ALK: variants seen among roughly 807,000 people sequenced by gnomAD.
The protein encoded by ALK is ALK receptor tyrosine kinase, also known as ALK tyrosine kinase receptor.
A neutral mutation model predicts 163.1 loss-of-function variants in ALK; 74 were observed. The observed-to-expected ratio is 0.45, with a 90% CI of 0.38 to 0.55. The LOEUF is 0.55. ALK is among the 20% of genes least tolerant of loss of function. The pLI, the probability that ALK is intolerant of heterozygous loss-of-function variation, is 0.00. For missense variants in ALK, 2,063 were observed against 2,105.3 expected, an observed-to-expected ratio of 0.98 and a Z score of 0.39; for synonymous variants, 960 against 843.2, an observed-to-expected ratio of 1.14 and a Z score of -2.40.
intron 9 of ALK, among the ~76,000 whole-genome samples, chr2:29,293,572 GT>G (rs1205944644): frequency 6.6e-6 from 1 of 152,130 alleles, no homozygotes; most frequent in Non-Finnish European, 1.5e-5. Context: ...GAGATGGAAA[GT>G]AAAGGCAGAA....
intron 4 of ALK, among the ~76,000 whole-genome samples, chr2:29,477,223 A>T (rs890233360): frequency 1.4e-4 from 21 of 152,142 alleles, no homozygotes; most frequent in African/African-American, 4.6e-4. Context: ...GGACATCATC[A>T]TCACTAACAT....
chr2:29,341,564 G>A (rs77556421), intron 5 of ALK, among the ~76,000 whole-genome samples: 11,731 of 152,258 alleles, frequency 0.077, 549 homozygotes, highest in Non-Finnish European at 0.11. Flanking sequence ...TGAGTCTGCA[G>A]TGAGCTATGA....
intron 1 of ALK, among the ~76,000 whole-genome samples, chr2:29,857,058 G>T (rs192833979): frequency 6.6e-6 from 1 of 152,340 alleles, no homozygotes; most frequent in Admixed American, 6.5e-5. Flanking sequence ...ACATCCGGAG[G>T]AGGCGAATGT....
chr2:29,745,012 G>A (rs2631953), intron 1 of ALK, among the ~76,000 whole-genome samples: 95,225 of 152,054 alleles, frequency 0.63, 34,398 homozygotes, highest in East Asian at 0.81. Flanking sequence ...AAGCCACCAC[G>A]TATGCCAAAG....
intron 3 of ALK, among the ~76,000 whole-genome samples, chr2:29,579,378 C>G (rs1392648676): frequency 6.6e-6 from 1 of 152,204 alleles, no homozygotes; most frequent in Non-Finnish European, 1.5e-5. Context: ...TCCGCTCTTC[C>G]TTTGTATCCC....
intron 8 of ALK, among the ~76,000 whole-genome samples, chr2:29,303,711 A>G (rs569729480): frequency 2.4e-4 from 36 of 152,352 alleles, no homozygotes; most frequent in Admixed American, 2.1e-3. Flanking sequence ...CATAAAAAAG[A>G]AAGAAGTCAT....
intron 1 of ALK, among the ~76,000 whole-genome samples, chr2:29,811,191 G>A (rs1664748935): frequency 6.6e-6 from 1 of 150,888 alleles, no homozygotes; most frequent in African/African-American, 2.4e-5. Flanking sequence ...CCAGGCTGGA[G>A]GGGAGCAGGG....
chr2:29,836,161 C>G (rs1371359535), intron 1 of ALK, among the ~76,000 whole-genome samples: 6 of 152,190 alleles, frequency 3.9e-5, no homozygotes, highest in Non-Finnish European at 7.3e-5. Context: ...TAATAAGTCC[C>G]TTGTATACTA....
intron 3 of ALK, among the ~76,000 whole-genome samples, chr2:29,633,740 A>G (rs922679680): frequency 6.6e-6 from 1 of 152,192 alleles, no homozygotes; most frequent in Non-Finnish European, 1.5e-5. Flanking sequence ...AAGGGTTGCT[A>G]TGGAGCATTC....
Position 29,318,587 on chromosome 2 carries a change from G to T in ALK, c.1547-183C>A, listed in dbSNP as rs367979234. On this transcript the variant is annotated intron_variant, in intron 7 of 28. Coordinates refer to ENST00000389048, the MANE Select transcript of ALK (RefSeq NM_004304.5). ...ACAATTTCTTTTTTTTTTTTTTTGA[G>T]ACAGAGTCTTGCTCTGTAGCTCAGA... Among the ~76,000 whole-genome samples, 7 of 148,508 alleles carry T rather than the reference G, an allele frequency of 4.7e-5. No homozygotes were observed. In the South Asian group the frequency reaches 1.5e-3, roughly 32 times the overall value.
chr2:29,384,799 A>C (rs1459708091), intron 4 of ALK, among the ~76,000 whole-genome samples: 4 of 152,150 alleles, frequency 2.6e-5, no homozygotes, highest in African/African-American at 4.8e-5. Flanking sequence ...CATGTACAAA[A>C]AGTGTCACTT....
chr2:29,271,467 C>T (rs997746320), intron 11 of ALK, among the ~76,000 whole-genome samples: 6 of 152,198 alleles, frequency 3.9e-5, no homozygotes, highest in African/African-American at 7.2e-5. Context: ...GAGATATGGG[C>T]CAAATAAAGC....
chr2:29,548,504 G>A (rs1011151949), intron 3 of ALK, among the ~76,000 whole-genome samples: 1 of 151,176 alleles, frequency 6.6e-6, no homozygotes, highest in Non-Finnish European at 1.5e-5. Flanking sequence ...GTCACTAATG[G>A]TGTCATTGGA....
chr2:29,629,177 T>C (rs944920862), intron 3 of ALK, among the ~76,000 whole-genome samples: 4 of 152,190 alleles, frequency 2.6e-5, no homozygotes, highest in African/African-American at 9.7e-5. Flanking sequence ...TGTAAGCACA[T>C]CTGAGTTTTA....
intron 1 of ALK, among the ~76,000 whole-genome samples, chr2:29,756,713 G>C (rs1680543484): frequency 6.6e-6 from 1 of 152,060 alleles, no homozygotes; most frequent in South Asian, 2.1e-4. Context: ...TTTTAGTAGA[G>C]ACAGGGTTTC....
chr2:29,691,130 G>T (rs1678383503), intron 3 of ALK, among the ~76,000 whole-genome samples: 1 of 152,192 alleles, frequency 6.6e-6, no homozygotes, highest in Non-Finnish European at 1.5e-5. Flanking sequence ...CGCTACTTCA[G>T]GGAAAGGTAG....
chr2:29,300,463 G>T (rs761741208), intron 8 of ALK, among the ~76,000 whole-genome samples: 21 of 150,996 alleles, frequency 1.4e-4, no homozygotes, highest in Non-Finnish European at 2.5e-4. Context: ...GCTGAGGCAG[G>T]AGAATCCCTT....
intron 3 of ALK, among the ~76,000 whole-genome samples, chr2:29,565,397 T>A (rs1674150008): frequency 6.6e-6 from 1 of 152,094 alleles, no homozygotes; most frequent in Non-Finnish European, 1.5e-5. Context: ...CTGCTTAGTG[T>A]TTAGCAAGCC....
At chr2:29,571,805 C>T (rs1032041887) in intron 3 of ALK, among the ~76,000 whole-genome samples, 18 of 151,676 alleles carry the variant, frequency 1.2e-4, no homozygotes, top group African/African-American at 3.9e-4. Context: ...TTAGTAGAAA[C>T]GGGTTTCACC....
Sources: allele counts gnomAD v4.1 joint callset (sites outside exome capture counted in the v4.1 genomes callset), GRCh38; gene constraint gnomAD v4.1.1; transcripts MANE v1.5; gene names NCBI Gene and HGNC (gene_info 2026-07-23, HGNC 2026-07-21).